Variants in LYPLAL1 observed in about 807,000 individuals in gnomAD.
LYPLAL1 encodes the protein lysophospholipase like 1, also known as lysophospholipase-like protein 1.
LYPLAL1 carries 23 observed loss-of-function variants against 19.7 expected under a neutral mutation model. The ratio of observed to expected loss-of-function variants is 1.17; its 90% CI spans 0.84 to 1.65. LYPLAL1 has a LOEUF of 1.65. Ranked by LOEUF, LYPLAL1 falls within the 40% of genes most tolerant of loss-of-function variation. LYPLAL1 has a pLI of 0.00. For synonymous variants in LYPLAL1, 119 were observed against 96.3 expected, an observed-to-expected ratio of 1.24 and a Z score of -1.38; for missense variants, 355 against 279.4, an observed-to-expected ratio of 1.27 and a Z score of -1.93.
chr1:219,400,798 CCTGT>C, the LYPLAL1 span, among the ~76,000 whole-genome samples: 3 of 152,196 alleles, frequency 2.0e-5, no homozygotes, highest in Admixed American at 2.0e-4. Flanking sequence ...CTGCACCCGG[CCTGT>C]CTATCATCTA....
chr1:219,176,779 C>T (rs943831819), intron 1 of LYPLAL1, among the ~76,000 whole-genome samples: 1 of 152,116 alleles, frequency 6.6e-6, no homozygotes, highest in Non-Finnish European at 1.5e-5. Context: ...TTCATAGATT[C>T]TATTTTTGAG....
At chr1:219,341,687 T>A in the LYPLAL1 span, among the ~76,000 whole-genome samples, 1 of 152,068 alleles carries the variant, frequency 6.6e-6, no homozygotes, top group East Asian at 1.9e-4. Context: ...ACACTTATCA[T>A]TTTTTTCTAG....
At chr1:219,217,772 C>G (rs984343709), downstream of LYPLAL1, among the ~76,000 whole-genome samples, 1 of 152,046 alleles carries the variant, frequency 6.6e-6, no homozygotes, top group Non-Finnish European at 1.5e-5. Context: ...CCCCCTACCC[C>G]AAAACTTTCT....
chr1:219,283,841 A>G, the LYPLAL1 span, among the ~76,000 whole-genome samples: 1 of 152,174 alleles, frequency 6.6e-6, no homozygotes, highest in African/African-American at 2.4e-5. Context: ...TCTTGTTCAT[A>G]TCAGAAGAGG....
chr1:219,254,095 C>T, the LYPLAL1 span, among the ~76,000 whole-genome samples: 9 of 151,914 alleles, frequency 5.9e-5, no homozygotes, highest in East Asian at 1.2e-3. Flanking sequence ...AAATTAAGAT[C>T]GCAACCCCTG....
intron 1 of LYPLAL1, among the ~76,000 whole-genome samples, chr1:219,178,533 A>AT (rs1254443139): frequency 1.3e-5 from 2 of 151,832 alleles, no homozygotes; most frequent in African/African-American, 2.4e-5. Flanking sequence ...ATTTCCTTCC[A>AT]TTTTTTTCTG....
chr1:219,428,968 C>A, the LYPLAL1 span, among the ~76,000 whole-genome samples: 1 of 151,874 alleles, frequency 6.6e-6, no homozygotes, highest in Admixed American at 6.6e-5. Flanking sequence ...TGTGCATGCA[C>A]GTGTGTGCGT....
chr1:219,350,115 T>G, the LYPLAL1 span, among the ~76,000 whole-genome samples: 2 of 152,198 alleles, frequency 1.3e-5, no homozygotes, highest in East Asian at 3.8e-4. Context: ...TTAATTTGTG[T>G]GGATAGAGAT....
the LYPLAL1 span, among the ~76,000 whole-genome samples, chr1:219,411,023 G>A: frequency 6.6e-6 from 1 of 152,236 alleles, no homozygotes; most frequent in African/African-American, 2.4e-5. Context: ...CCACCCAAGG[G>A]CTGAGGAATG....
chr1:219,309,552 G>C, the LYPLAL1 span, among the ~76,000 whole-genome samples: 1 of 152,154 alleles, frequency 6.6e-6, no homozygotes, highest in Admixed American at 6.5e-5. Context: ...ACCCGGGGGA[G>C]AAAATTTGAA....
At chr1:219,345,142 G>A in the LYPLAL1 span, among the ~76,000 whole-genome samples, 1 of 152,168 alleles carries the variant, frequency 6.6e-6, no homozygotes, top group Non-Finnish European at 1.5e-5. Flanking sequence ...CTATAGGTTA[G>A]AGAGTGTCTT....
the LYPLAL1 span, among the ~76,000 whole-genome samples, chr1:219,267,359 A>C: frequency 6.6e-6 from 1 of 152,166 alleles, no homozygotes; most frequent in Admixed American, 6.5e-5. Flanking sequence ...AAAGTCAATA[A>C]CAACAACAAA....
At chr1:219,295,886 C>G in the LYPLAL1 span, among the ~76,000 whole-genome samples, 2 of 152,206 alleles carry the variant, frequency 1.3e-5, no homozygotes, top group Non-Finnish European at 2.9e-5. Context: ...ATCCCCCAGC[C>G]TTCTGGCCCC....
chr1:219,439,960 TATATATATATATAC>T, the LYPLAL1 span, among the ~76,000 whole-genome samples: 1 of 67,542 alleles, frequency 1.5e-5, no homozygotes, highest in Non-Finnish European at 2.9e-5. Flanking sequence ...CAAAACTGAC[TATATATATATATAC>T]ATATATATAT....
At chr1:219,210,077 A>G (rs913044852) in intron 3 of LYPLAL1, among the ~76,000 whole-genome samples, 1 of 152,148 alleles carries the variant, frequency 6.6e-6, no homozygotes, top group Non-Finnish European at 1.5e-5. Context: ...AGAATTCACT[A>G]AGCATCTATT....
chr1:219,176,510 C>T (rs760658290), intron 1 of LYPLAL1, among the ~76,000 whole-genome samples: 87 of 152,284 alleles, frequency 5.7e-4, no homozygotes, highest in Non-Finnish European at 6.3e-4. Context: ...CGTCCTCTTA[C>T]GTGAACTGTC....
At chr1:219,185,013 A>G (rs1191364958) in intron 2 of LYPLAL1, among the ~76,000 whole-genome samples, 3 of 151,948 alleles carry the variant, frequency 2.0e-5, no homozygotes, top group Non-Finnish European at 4.4e-5. Context: ...GATAAAATTC[A>G]CTATTGAAAT....
chr1:219,438,749 C>T, the LYPLAL1 span, among the ~76,000 whole-genome samples: 1 of 152,134 alleles, frequency 6.6e-6, no homozygotes, highest in Non-Finnish European at 1.5e-5. Flanking sequence ...TTTACTATGG[C>T]ATTTATTCAA....
the LYPLAL1 span, among the ~76,000 whole-genome samples, chr1:219,284,643 C>T: frequency 2.6e-5 from 4 of 152,012 alleles, no homozygotes; most frequent in African/African-American, 9.7e-5. Context: ...GTTCTCTGTG[C>T]TTTTTTATGT....
Sources: allele counts gnomAD v4.1 joint callset (sites outside exome capture counted in the v4.1 genomes callset), GRCh38; gene constraint gnomAD v4.1.1; transcripts MANE v1.5; gene names NCBI Gene and HGNC (gene_info 2026-07-23, HGNC 2026-07-21).